The following CSTPP1 variants were observed in gnomAD, a reference collection of about 807,000 sequenced individuals.
CSTPP1 encodes the protein UPF0705 protein C11orf49.
the CSTPP1 span, among the ~76,000 whole-genome samples, chr11:47,101,164 ATTT>A: frequency 3.0e-4 from 9 of 30,374 alleles, 1 homozygote; most frequent in African/African-American, 1.6e-3. Flanking sequence ...ACACCGGCTA[ATTT>A]TTTTTTTTTT....
the CSTPP1 span, among the ~76,000 whole-genome samples, chr11:47,101,553 T>A: frequency 6.6e-6 from 1 of 152,092 alleles, no homozygotes. Flanking sequence ...ATATCATAAT[T>A]TAATAGCCTG....
chr11:46,956,187 T>C, the CSTPP1 span, among the ~76,000 whole-genome samples: 13 of 151,990 alleles, frequency 8.6e-5, no homozygotes, highest in Non-Finnish European at 1.8e-4. Flanking sequence ...GAGGGCAGGG[T>C]AGAAGACAAG....
chr11:46,966,779 A>C, the CSTPP1 span, among the ~76,000 whole-genome samples: 1 of 152,236 alleles, frequency 6.6e-6, no homozygotes, highest in Admixed American at 6.5e-5. Context: ...AGATTTAATG[A>C]AATTAATATT....
At chr11:47,026,878 A>G in the CSTPP1 span, among the ~76,000 whole-genome samples, 1 of 152,130 alleles carries the variant, frequency 6.6e-6, no homozygotes, top group Admixed American at 6.6e-5. Flanking sequence ...ACCCTGTCTC[A>G]AAAAAACAAA....
chr11:47,045,022 A>C, the CSTPP1 span, among the ~76,000 whole-genome samples: 1 of 152,342 alleles, frequency 6.6e-6, no homozygotes, highest in Non-Finnish European at 1.5e-5. Context: ...ACATTGTAGA[A>C]TCTGCATTAA....
At chr11:47,033,196 G>A in the CSTPP1 span, among the ~76,000 whole-genome samples, 1 of 150,660 alleles carries the variant, frequency 6.6e-6, no homozygotes, top group Non-Finnish European at 1.5e-5. Flanking sequence ...GGCACACTCG[G>A]TGTAGCTTTA....
the CSTPP1 span, among the ~76,000 whole-genome samples, chr11:47,134,897 C>T: frequency 2.0e-5 from 3 of 152,084 alleles, no homozygotes; most frequent in South Asian, 2.1e-4. Flanking sequence ...GAAGCTGAGG[C>T]GGGAAGTTCA....
the CSTPP1 span, among the ~76,000 whole-genome samples, chr11:47,067,042 A>G: frequency 1.3e-5 from 2 of 152,206 alleles, no homozygotes; most frequent in Non-Finnish European, 2.9e-5. Flanking sequence ...CCAAGAACCT[A>G]TTGATGAGGT....
the CSTPP1 span, among the ~76,000 whole-genome samples, chr11:47,011,729 G>T: frequency 1.3e-5 from 2 of 151,900 alleles, no homozygotes; most frequent in Admixed American, 6.6e-5. Flanking sequence ...CATTATTAAT[G>T]CCCTAATTGG....
chr11:47,035,108 T>A, the CSTPP1 span, among the ~76,000 whole-genome samples: 1 of 152,234 alleles, frequency 6.6e-6, no homozygotes, highest in Admixed American at 6.5e-5. Context: ...AAAAGTGCAA[T>A]GTTTTTATGC....
At chr11:46,996,404 C>T in the CSTPP1 span, among the ~76,000 whole-genome samples, 3 of 151,796 alleles carry the variant, frequency 2.0e-5, no homozygotes, top group Admixed American at 6.6e-5. Context: ...CCCGGGTTCA[C>T]GCCATTCTCC....
At chr11:46,988,921 T>C in the CSTPP1 span, among the ~76,000 whole-genome samples, 5 of 152,174 alleles carry the variant, frequency 3.3e-5, no homozygotes, top group Non-Finnish European at 5.9e-5. Context: ...ATATCTTTCA[T>C]AGATTATATA....
At chr11:47,100,156 A>C in the CSTPP1 span, among the ~76,000 whole-genome samples, 1 of 152,186 alleles carries the variant, frequency 6.6e-6, no homozygotes, top group South Asian at 2.1e-4. Flanking sequence ...TTTCTATTTT[A>C]GTACAGAAAA....
the CSTPP1 span, among the ~76,000 whole-genome samples, chr11:47,071,115 C>T: frequency 6.6e-6 from 1 of 152,172 alleles, no homozygotes; most frequent in Non-Finnish European, 1.5e-5. Flanking sequence ...CCTCTTAGGG[C>T]ATTTGTCCTA....
At chr11:46,950,005 AG>A in the CSTPP1 span, among the ~76,000 whole-genome samples, 1 of 151,690 alleles carries the variant, frequency 6.6e-6, no homozygotes, top group Admixed American at 6.6e-5. Flanking sequence ...ACCAGACATC[AG>A]GCTCTCCAAC....
chr11:46,944,333 A>AG, the CSTPP1 span, among the ~76,000 whole-genome samples: 1 of 151,906 alleles, frequency 6.6e-6, no homozygotes, highest in African/African-American at 2.4e-5. Flanking sequence ...AAAAAAAAAA[A>AG]AAATTGTGCT....
At chr11:47,038,279 G>T in the CSTPP1 span, among the ~76,000 whole-genome samples, 3 of 111,974 alleles carry the variant, frequency 2.7e-5, no homozygotes, top group Non-Finnish European at 4.3e-5. Context: ...CGGGCGGGGG[G>T]CTGACCCCCC....
At chr11:47,077,193 G>GTT in the CSTPP1 span, among the ~76,000 whole-genome samples, 1 of 116,774 alleles carries the variant, frequency 8.6e-6, no homozygotes, top group African/African-American at 3.0e-5. Context: ...TGAGGATAAA[G>GTT]TTGTTTTTTT....
the CSTPP1 span, among the ~76,000 whole-genome samples, chr11:47,152,608 T>C: frequency 2.6e-5 from 4 of 152,226 alleles, no homozygotes; most frequent in South Asian, 6.2e-4. Context: ...TTGGTGAGAA[T>C]TGCAAATGGA....
Sources: allele counts gnomAD v4.1 joint callset (sites outside exome capture counted in the v4.1 genomes callset), GRCh38; gene constraint gnomAD v4.1.1; transcripts MANE v1.5; gene names NCBI Gene and HGNC (gene_info 2026-07-23, HGNC 2026-07-21).